RYR3: variants seen among roughly 807,000 people sequenced by gnomAD.
The protein encoded by RYR3 is ryanodine receptor 3.
RYR3 carries 207 observed loss-of-function variants against 584.3 expected under a neutral mutation model. That is an observed-to-expected ratio of 0.35 (90% CI 0.32 to 0.40). The LOEUF (loss-of-function observed/expected upper bound fraction) is 0.40, where lower values mean the gene tolerates loss of function less well. Among genes scored for constraint, RYR3 ranks in the 10% least tolerant of loss-of-function variants. RYR3 has a pLI of 1.00. For synonymous variants in RYR3, 2,416 were observed against 2,248.5 expected (o/e 1.07, Z -2.11); for missense variants, 5,616 against 6,089.2 (o/e 0.92, Z 2.59).
intron 28 of RYR3, 70 bp from the exon 29 acceptor site, chr15:33,646,281 G>A (rs183350102): frequency 1.9e-5 from 27 of 1,392,010 alleles, no homozygotes; most frequent in Middle Eastern, 1.9e-4. Context: ...GCATGTCCAC[G>A]AGGGAAAAAG....
intron 1 of RYR3, among the ~76,000 whole-genome samples, chr15:33,422,306 G>T (rs1034924176): frequency 3.3e-5 from 5 of 152,138 alleles, no homozygotes; most frequent in Admixed American, 6.6e-5. Flanking sequence ...GAATACAGGT[G>T]ATCAGAATCT....
intron 20 of RYR3, among the ~76,000 whole-genome samples, chr15:33,625,505 G>A (rs1446744611): frequency 6.6e-6 from 1 of 152,078 alleles, no homozygotes; most frequent in African/African-American, 2.4e-5. Flanking sequence ...TGTCAGGGAG[G>A]AAAAACTTTT....
chr15:33,729,088 C>A, intron 47 of RYR3, 62 bp downstream of exon 47: 1 of 1,400,414 alleles, frequency 7.1e-7, no homozygotes, highest in Non-Finnish European at 9.8e-7. Context: ...TAATGTTGGA[C>A]TTCGAAGCAA....
intron 67 of RYR3, among the ~76,000 whole-genome samples, chr15:33,798,855 G>C (rs915429308): frequency 1.3e-5 from 2 of 152,178 alleles, no homozygotes; most frequent in Non-Finnish European, 2.9e-5. Flanking sequence ...GGAGATAAGA[G>C]AAGGATCCCA....
chr15:33,608,743 A>T (rs2060027191), intron 18 of RYR3, among the ~76,000 whole-genome samples: 2 of 152,262 alleles, frequency 1.3e-5, no homozygotes, highest in Admixed American at 1.3e-4. Flanking sequence ...CAATTTGCTT[A>T]TAACTTTTCT....
chr15:33,716,241 C>T (rs1280678021), intron 43 of RYR3, among the ~76,000 whole-genome samples: 1 of 152,172 alleles, frequency 6.6e-6, no homozygotes, highest in South Asian at 2.1e-4. Context: ...TTATAAATTA[C>T]TCAGCCTCAG....
intron 60 of RYR3, among the ~76,000 whole-genome samples, chr15:33,758,168 G>T (rs998168339): frequency 3.9e-5 from 6 of 152,188 alleles, no homozygotes; most frequent in African/African-American, 1.2e-4. Context: ...ATTCCCTCAG[G>T]TGCCTACCCC....
chr15:33,406,372 A>G (rs1188284104), intron 1 of RYR3, among the ~76,000 whole-genome samples: 1 of 152,194 alleles, frequency 6.6e-6, no homozygotes, highest in East Asian at 1.9e-4. Flanking sequence ...TTCCCCTCTC[A>G]GGAATCTTTC....
chr15:33,548,937 C>T (rs1227326240), intron 9 of RYR3, among the ~76,000 whole-genome samples: 3 of 152,122 alleles, frequency 2.0e-5, no homozygotes, highest in Non-Finnish European at 4.4e-5. Flanking sequence ...GCTCAGTCTC[C>T]CCCCGAAAAT....
At chr15:33,603,679 A>G (rs545649718) in intron 18 of RYR3, among the ~76,000 whole-genome samples, 19 of 152,290 alleles carry the variant, frequency 1.2e-4, no homozygotes, top group African/African-American at 4.1e-4. Flanking sequence ...AGTGAGTTAC[A>G]TACTTTCTCA....
chr15:33,595,650 A>G (rs2059334779), intron 16 of RYR3, among the ~76,000 whole-genome samples: 2 of 152,254 alleles, frequency 1.3e-5, no homozygotes, highest in South Asian at 4.2e-4. Flanking sequence ...TTTGATTGAC[A>G]TCTTCTATCG....
intron 35 of RYR3, among the ~76,000 whole-genome samples, 191 bp downstream of exon 35, chr15:33,663,139 A>G (rs1441767625): frequency 6.6e-6 from 1 of 152,176 alleles, no homozygotes; most frequent in East Asian, 1.9e-4. Flanking sequence ...GGTAATAACA[A>G]TCCAAAACAA....
chr15:33,311,215 C>T lies in RYR3; in HGVS notation c.51+119C>T, dbSNP rs1255469147. On this transcript the variant is annotated intron_variant, in intron 1 of 103. Coordinates refer to ENST00000634891, the MANE Select transcript of RYR3 (RefSeq NM_001036.6). The surrounding 1 kb of genome is among the most constrained non-coding windows in gnomAD (Gnocchi z 4.4). ...GGTGCCCGGTGCCGGGCGCTTTCTC[C>T]GCACCCGCGGGCTGCAGAGGCGGAC... 6.8e-6 allele frequency: 5 copies of T among 730,128 alleles called. No homozygotes were observed. The highest frequency in any genetic ancestry group is 4.0e-5 in the South Asian group (1 of 25,242). The allele number at this position is 730,128 out of a possible 1,614,324, so 45.2% of individuals were successfully genotyped here. A position where few individuals can be genotyped will look rare whatever the true frequency, so the allele number is the denominator to read the frequency against.
At chr15:33,587,633 T>C (rs1256418019) in intron 16 of RYR3, among the ~76,000 whole-genome samples, 1 of 152,188 alleles carries the variant, frequency 6.6e-6, no homozygotes, top group Non-Finnish European at 1.5e-5. Flanking sequence ...AACCAAGACA[T>C]TGTTAGAGAA....
intron 1 of RYR3, among the ~76,000 whole-genome samples, chr15:33,365,732 G>A (rs1483630537): frequency 6.6e-6 from 1 of 152,176 alleles, no homozygotes; most frequent in South Asian, 2.1e-4. Context: ...CAATAATAAA[G>A]GGGATAGGAG....
At chr15:33,339,806 G>A (rs926385717) in intron 1 of RYR3, among the ~76,000 whole-genome samples, 3 of 151,438 alleles carry the variant, frequency 2.0e-5, no homozygotes, top group Non-Finnish European at 4.4e-5. Flanking sequence ...GGAGAATGGC[G>A]TGAACCCGGG....
At chr15:33,820,173 G>A (rs73372024) in intron 77 of RYR3, among the ~76,000 whole-genome samples, 3,723 of 152,268 alleles carry the variant, frequency 0.024, 159 homozygotes, top group African/African-American at 0.085. Context: ...GAGAGCTCCC[G>A]GTGCTCTGGA....
chr15:33,732,387 C>CAAA (rs3086238), intron 48 of RYR3, among the ~76,000 whole-genome samples: 1 of 130,500 alleles, frequency 7.7e-6, no homozygotes, highest in Admixed American at 7.7e-5. Flanking sequence ...GACTCCATCT[C>CAAA]AAAAAAAAAA....
chr15:33,507,160 G>A (rs76072976), intron 3 of RYR3, among the ~76,000 whole-genome samples: 117 of 152,350 alleles, frequency 7.7e-4, no homozygotes, highest in Non-Finnish European at 1.5e-3. Flanking sequence ...TTTTAAAAAT[G>A]ACTTCAGCTG....
Sources: gnomAD v4.1 joint callset for allele counts (sites outside exome capture counted in the v4.1 genomes callset) on GRCh38, gnomAD v4.1.1 for gene constraint, Gnocchi (gnomAD v3.1) non-coding constraint, MANE v1.5 for transcripts, NCBI Gene and HGNC (gene_info 2026-07-23, HGNC 2026-07-21) for gene names.